Variants in TRPC7 observed in about 807,000 individuals in gnomAD.
TRPC7 encodes the protein transient receptor potential cation channel subfamily C member 7.
Under a neutral mutation model 90.1 loss-of-function variants are expected in TRPC7, and 42 were observed. That is an observed-to-expected ratio of 0.47 (90% confidence interval 0.36 to 0.60). TRPC7 has a LOEUF of 0.60. Among genes scored for constraint, TRPC7 ranks in the 20% least tolerant of loss-of-function variants. TRPC7 has a pLI of 0.00. For synonymous variants in TRPC7, 451 were observed against 436.3 expected, an observed-to-expected ratio of 1.03 and a Z score of -0.42; for missense variants, 955 against 1,112.3, an observed-to-expected ratio of 0.86 and a Z score of 2.01.
At chr5:136,339,429 T>C (rs529252442) in intron 2 of TRPC7, among the ~76,000 whole-genome samples, 20 of 152,342 alleles carry the variant, frequency 1.3e-4, no homozygotes, top group Admixed American at 1.3e-3. Flanking sequence ...TCATTTGTCT[T>C]TTTATAACTG....
intron 9 of TRPC7, among the ~76,000 whole-genome samples, 188 bp downstream of exon 9, chr5:136,225,844 TCA>T (rs1755609166): frequency 6.6e-6 from 1 of 152,064 alleles, no homozygotes; most frequent in Non-Finnish European, 1.5e-5. Flanking sequence ...AAGGAGGGTA[TCA>T]CAGTAGCCTC....
At chr5:136,331,184 A>G (rs981403452) in intron 2 of TRPC7, among the ~76,000 whole-genome samples, 1 of 152,152 alleles carries the variant, frequency 6.6e-6, no homozygotes, top group Non-Finnish European at 1.5e-5. Context: ...GTTGGAGCTG[A>G]AGCACACATA....
At chr5:136,322,867 G>A (rs910035047) in intron 2 of TRPC7, among the ~76,000 whole-genome samples, 13 of 152,152 alleles carry the variant, frequency 8.5e-5, no homozygotes, top group African/African-American at 3.1e-4. Context: ...TATATATTCA[G>A]GATACAATTC....
chr5:136,284,230 C>G (rs576432733), intron 3 of TRPC7, among the ~76,000 whole-genome samples: 1 of 152,236 alleles, frequency 6.6e-6, no homozygotes, highest in South Asian at 2.1e-4. Flanking sequence ...GGTAAGGTAC[C>G]CTGGGCACTT....
Position 136,215,783 on chromosome 5 carries a change from G to C in TRPC7, c.2419+417C>G, listed in dbSNP as rs367636696. On this transcript the variant is annotated intron_variant, in intron 11 of 11. Transcript: ENST00000513104. ...GGTTGCAGTGGGCCGAGATTGTGCC[G>C]TTGCACTCCAGCCTGGGCAACAGAG... Among the ~76,000 whole-genome samples, 4 of 146,076 alleles carry C rather than the reference G, an allele frequency of 2.7e-5. No homozygotes were observed. In the East Asian group the frequency reaches 8.1e-4, roughly 30 times the overall value.
At chr5:136,338,434 T>C (rs964574246) in intron 2 of TRPC7, among the ~76,000 whole-genome samples, 1 of 152,186 alleles carries the variant, frequency 6.6e-6, no homozygotes, top group Non-Finnish European at 1.5e-5. Flanking sequence ...CTTGACCATA[T>C]AGGGAGTATG....
chr5:136,329,431 C>G (rs1759434569), intron 2 of TRPC7, among the ~76,000 whole-genome samples: 1 of 152,072 alleles, frequency 6.6e-6, no homozygotes, highest in African/African-American at 2.4e-5. Context: ...GATGTAAGTG[C>G]CTTGCGACAG....
intron 2 of TRPC7, among the ~76,000 whole-genome samples, chr5:136,344,158 A>G (rs1759931977): frequency 6.6e-6 from 1 of 152,226 alleles, no homozygotes; most frequent in Non-Finnish European, 1.5e-5. Context: ...ATCCTAAGCA[A>G]ACTAACACAG....
chr5:136,329,327 G>C (rs1373676080), intron 2 of TRPC7, among the ~76,000 whole-genome samples: 2 of 152,170 alleles, frequency 1.3e-5, no homozygotes, highest in Non-Finnish European at 2.9e-5. Flanking sequence ...GCCAGGCACT[G>C]AGAATGTAAA....
At chr5:136,257,176 T>C (rs898675121) in intron 5 of TRPC7, among the ~76,000 whole-genome samples, 16 of 152,020 alleles carry the variant, frequency 1.1e-4, no homozygotes, top group Admixed American at 7.2e-4. Flanking sequence ...ATTTAAAATG[T>C]TTTTCTTTCT....
intron 5 of TRPC7, among the ~76,000 whole-genome samples, chr5:136,263,564 A>G (rs539515420): frequency 1.3e-5 from 2 of 152,342 alleles, no homozygotes; most frequent in African/African-American, 4.8e-5. Context: ...AATGTGTCCA[A>G]GGATTTAAAG....
intron 2 of TRPC7, among the ~76,000 whole-genome samples, chr5:136,322,247 T>C (rs1423269731): frequency 6.6e-6 from 1 of 152,152 alleles, no homozygotes; most frequent in Admixed American, 6.6e-5. Flanking sequence ...ACTCTTGACC[T>C]CAAGTGATCA....
rs886350178 is a variant in TRPC7 at position 136,213,196 on chromosome 5, G to C, written c.*239C>G. On this transcript the variant is annotated 3_prime_UTR_variant, in exon 12 of 12. Transcript: ENST00000513104. ...AAGGTCTCACACTCGTCAGGGGGCT[G>C]TTCCTCCCCTCCTCCCATGGTAGCT... 5.7e-6 allele frequency: 3 copies of C among 526,598 alleles called. No individual in the cohort carries two copies. In the African/African-American group the frequency reaches 5.7e-5, roughly 10 times the overall value. The allele number at this position is 526,598 out of a possible 1,614,324, so 32.6% of individuals were successfully genotyped here.
At chr5:136,328,403 T>C (rs116500107) in intron 2 of TRPC7, among the ~76,000 whole-genome samples, 2,219 of 152,318 alleles carry the variant, frequency 0.015, 53 homozygotes, top group African/African-American at 0.05. Context: ...ACTCCCTGCT[T>C]TTCCAAAGGG....
intron 5 of TRPC7, among the ~76,000 whole-genome samples, chr5:136,264,696 G>A (rs1175321543): frequency 3.3e-5 from 5 of 152,064 alleles, no homozygotes; most frequent in African/African-American, 4.8e-5. Flanking sequence ...GGGTTCAAGC[G>A]ATACTCCTGC....
chr5:136,214,225 G>A (rs1050571169), intron 11 of TRPC7: 2 of 152,740 alleles, frequency 1.3e-5, no homozygotes, highest in Non-Finnish European at 2.9e-5. Flanking sequence ...CTTCCATAAC[G>A]AGGGACCACC....
At chr5:136,329,994 C>T (rs183855235) in intron 2 of TRPC7, among the ~76,000 whole-genome samples, 14 of 152,320 alleles carry the variant, frequency 9.2e-5, no homozygotes, top group African/African-American at 3.1e-4. Context: ...CATACCCACA[C>T]ACCACCTTAT....
intron 7 of TRPC7, among the ~76,000 whole-genome samples, chr5:136,233,649 T>C (rs1755887023): frequency 6.6e-6 from 1 of 152,212 alleles, no homozygotes. Context: ...TCTAGGATTA[T>C]ACACTTGTCA....
intron 10 of TRPC7, 59 bp from the exon 11 acceptor site, chr5:136,216,334 C>CTACACCACGCAGGCT: frequency 7.3e-7 from 1 of 1,378,978 alleles, no homozygotes; most frequent in Non-Finnish European, 1.0e-6. Flanking sequence ...AGGCAGCCTG[C>CTACACCACGCAGGCT]GTGGTGTAGC....
Sources: allele counts gnomAD v4.1 joint callset (sites outside exome capture counted in the v4.1 genomes callset), GRCh38; gene constraint gnomAD v4.1.1; transcripts MANE v1.5; gene names NCBI Gene and HGNC (gene_info 2026-07-23, HGNC 2026-07-21).